The following MROH1 variants were observed in gnomAD, a reference collection of about 807,000 sequenced individuals.
The protein encoded by MROH1 is maestro heat like repeat family member 1, also known as maestro heat-like repeat-containing protein family member 1.
Under a neutral mutation model 116.5 loss-of-function variants are expected in MROH1, and 117 were observed. The ratio of observed to expected loss-of-function variants is 1.00; its 90% CI spans 0.86 to 1.17. The LOEUF is 1.17. MROH1 is among the 50% of genes most tolerant of loss of function. MROH1 has a pLI of 0.00. For synonymous variants in MROH1, 921 were observed against 583.9 expected (o/e 1.58, Z -8.32); for missense variants, 1,873 against 1,338.5 (o/e 1.40, Z -6.23).
chr8:144,149,145 T>A (rs1292115621), intron 1 of MROH1, among the ~76,000 whole-genome samples: 1 of 151,990 alleles, frequency 6.6e-6, no homozygotes, highest in Non-Finnish European at 1.5e-5. Flanking sequence ...GGGCTGGAGA[T>A]GCGTGTGGGA....
chr8:144,191,358 C>T (rs1044763350), intron 8 of MROH1, among the ~76,000 whole-genome samples: 6 of 152,202 alleles, frequency 3.9e-5, no homozygotes, highest in Non-Finnish European at 7.4e-5. Flanking sequence ...GTGTGAGCCA[C>T]CGTGCCTGGC....
chr8:144,175,661 C>T (rs1041325821), intron 4 of MROH1: 4 of 555,418 alleles, frequency 7.2e-6, no homozygotes, highest in Admixed American at 6.4e-5. Flanking sequence ...CCAGGGCACA[C>T]GCCTGTAATC....
At chr8:144,255,314 T>C (rs1843527753) in intron 34 of MROH1, among the ~76,000 whole-genome samples, 195 bp from the exon 35 acceptor site, 1 of 152,242 alleles carries the variant, frequency 6.6e-6, no homozygotes, top group Admixed American at 6.5e-5. Context: ...ACTGCCCCTC[T>C]GTCCCTGTCT....
chr8:144,255,529 G>A lies in MROH1; in HGVS notation c.3615G>A (p.Glu1205=). 1.3e-6 allele frequency: 1 copy of A among 779,172 alleles called. No individual in the cohort carries two copies. The highest frequency in any genetic ancestry group is 1.3e-5 in the South Asian group (1 of 74,564). The allele number at this position is 779,172 out of a possible 1,614,324, so 48.3% of individuals were successfully genotyped here. A position where few individuals can be genotyped will look rare whatever the true frequency, so the allele number is the denominator to read the frequency against. The change falls in exon 35 of 44, where the codon GAG becomes GAA. Residue 1205 remains glutamate, a synonymous_variant. Coordinates refer to ENST00000326134, the MANE Select transcript of MROH1 (RefSeq NM_032450.3). The part of the protein sequence containing the change: ...LPLSATCALF[E]VMSTPAAGPA... ...CCCAGGCTACCTGTGCACTGTTTGAGGTCATGTCCACGCCTGCAGCGGGGC... is the reference window on the plus strand; with the variant it reads ...CCCAGGCTACCTGTGCACTGTTTGAAGTCATGTCCACGCCTGCAGCGGGGC...
chr8:144,156,435 G>A (rs1029886576), intron 1 of MROH1, among the ~76,000 whole-genome samples: 3 of 151,904 alleles, frequency 2.0e-5, no homozygotes, highest in South Asian at 4.2e-4. Context: ...AGCTGGGCAC[G>A]GTGGCTCACA....
chr8:144,251,851 C>A (rs945766549), intron 33 of MROH1: 1 of 163,626 alleles, frequency 6.1e-6, no homozygotes, highest in Non-Finnish European at 1.3e-5. Flanking sequence ...GCCACCTGAC[C>A]GCCACCACTA....
chr8:144,259,249 T>C lies in MROH1; in HGVS notation c.3939T>C (p.Ala1313=). 1 of 714,074 alleles carries C rather than the reference T, an allele frequency of 1.4e-6. No individual in the cohort carries two copies. The highest frequency in any genetic ancestry group is 2.6e-6 in the Non-Finnish European group (1 of 384,822). 44.2% of individuals were successfully genotyped at this position (714,074 alleles called of 1,614,324 possible). The change falls in exon 37 of 44, where the codon GCT becomes GCC. Residue 1313 remains alanine (A), a synonymous_variant. Transcript: ENST00000326134. ...CGGCCCCCTTTCCCAGGGCCATGGCTGAGCACGCAGGGCCCCGACTCCCCC... is the reference window on the plus strand; with the variant it reads ...CGGCCCCCTTTCCCAGGGCCATGGCCGAGCACGCAGGGCCCCGACTCCCCC... ...EGATRLARAM[A]EHAGPRLPLV...
chr8:144,184,841 TGCTGACTTTCA>T, intron 7 of MROH1, among the ~76,000 whole-genome samples: 1 of 152,182 alleles, frequency 6.6e-6, no homozygotes, highest in East Asian at 1.9e-4. Context: ...CGCCAGGAGC[TGCTGACTTTCA>T]CAGCCAGTGC....
chr8:144,232,775 G>A lies in MROH1; in HGVS notation c.1339-5981G>A, dbSNP rs1357251389. Among the ~76,000 whole-genome samples, 4 of 151,592 alleles carry A rather than the reference G, an allele frequency of 2.6e-5. No homozygotes were observed. The East Asian group carries it at 7.7e-4, about 29-fold the overall frequency. ...CCCAAAGTGCTGGGATTACAGGCGT[G>A]AGCCACCGCACCTGGCCTATTTATT... On this transcript the variant is annotated intron_variant, in intron 14 of 43. Coordinates refer to ENST00000326134, the MANE Select transcript of MROH1 (RefSeq NM_032450.3).
chr8:144,260,423 C>T (rs1252054774), intron 39 of MROH1, 49 bp downstream of exon 39: 2 of 701,846 alleles, frequency 2.8e-6, no homozygotes, highest in African/African-American at 1.7e-5. Flanking sequence ...GCCCTTCCTG[C>T]CTCTTACTCT....
intron 28 of MROH1, 145 bp downstream of exon 28, chr8:144,244,684 G>A (rs1588454540): frequency 3.0e-6 from 2 of 664,866 alleles, no homozygotes; most frequent in Admixed American, 2.1e-5. Context: ...ACAGGCAGGT[G>A]CACCCCCTCC....
At chr8:144,206,465 C>T (rs559609965) in intron 12 of MROH1, among the ~76,000 whole-genome samples, 2 of 151,008 alleles carry the variant, frequency 1.3e-5, no homozygotes, top group African/African-American at 2.4e-5. Context: ...TCTTGTTGCC[C>T]AGGCTGGAAG....
chr8:144,209,353 G>A (rs1323688362), intron 12 of MROH1, among the ~76,000 whole-genome samples: 1 of 151,926 alleles, frequency 6.6e-6, no homozygotes, highest in East Asian at 1.9e-4. Context: ...GGCTGAGGCA[G>A]GCGGATCACG....
chr8:144,220,371 C>T (rs928920172), intron 12 of MROH1, among the ~76,000 whole-genome samples: 3 of 152,178 alleles, frequency 2.0e-5, no homozygotes, highest in Non-Finnish European at 2.9e-5. Context: ...CATTCTTCTA[C>T]GACCGACCGC....
At chr8:144,185,940 A>T (rs980951972) in intron 7 of MROH1, among the ~76,000 whole-genome samples, 1 of 150,722 alleles carries the variant, frequency 6.6e-6, no homozygotes, top group Non-Finnish European at 1.5e-5. Flanking sequence ...ACCACAAGGG[A>T]CCAGCAAGGG....
chr8:144,186,685 G>A (rs1439804121), intron 7 of MROH1, among the ~76,000 whole-genome samples: 1 of 151,344 alleles, frequency 6.6e-6, no homozygotes, highest in Non-Finnish European at 1.5e-5. Flanking sequence ...CTGTCCTGAC[G>A]GGGGGGTCAC....
intron 1 of MROH1, among the ~76,000 whole-genome samples, chr8:144,152,296 A>G (rs1407655878): frequency 2.6e-5 from 4 of 152,226 alleles, no homozygotes; most frequent in Non-Finnish European, 5.9e-5. Context: ...GTAAAACAGG[A>G]TAAGAGGGGA....
At chr8:144,156,308 CTCT>C (rs1466298759) in intron 1 of MROH1, among the ~76,000 whole-genome samples, 48 of 150,188 alleles carry the variant, frequency 3.2e-4, no homozygotes, top group Admixed American at 3.1e-3. Flanking sequence ...TAGTTCCCTT[CTCT>C]TCTTGAGAAT....
At chr8:144,219,383 C>T (rs1009335716) in intron 12 of MROH1, among the ~76,000 whole-genome samples, 1 of 152,124 alleles carries the variant, frequency 6.6e-6, no homozygotes, top group African/African-American at 2.4e-5. Flanking sequence ...GTCTTGAACT[C>T]CTGGGCTCAA....
Sources: allele counts gnomAD v4.1 joint callset (sites outside exome capture counted in the v4.1 genomes callset), GRCh38; gene constraint gnomAD v4.1.1; transcripts MANE v1.5; gene names NCBI Gene and HGNC (gene_info 2026-07-23, HGNC 2026-07-21).